Variants in CDT1 observed in about 807,000 individuals in gnomAD.
CDT1 encodes DNA replication factor Cdt1.
A neutral mutation model predicts 49.3 loss-of-function variants in CDT1; 66 were observed. That is an observed-to-expected ratio of 1.34 (90% CI 1.10 to 1.64). The LOEUF (loss-of-function observed/expected upper bound fraction) is 1.64. CDT1 is among the 40% of genes most tolerant of loss of function. CDT1 has a pLI of 0.00. For missense variants in CDT1, 958 were observed against 807.7 expected, an observed-to-expected ratio of 1.19 and a Z score of -2.26; for synonymous variants, 424 against 347.4, an observed-to-expected ratio of 1.22 and a Z score of -2.45.
In CDT1 at chr16:88,808,118, A is replaced by T; in HGVS notation, c.1481A>T (p.Glu494Val). 6.2e-7 allele frequency: 1 copy of T among 1,612,370 alleles called. No individual in the cohort carries two copies. The highest frequency in any genetic ancestry group is 8.5e-7 in the Non-Finnish European group (1 of 1,179,796). The change falls in exon 10 of 10, where the codon GAA (glutamate) becomes GTA (valine). Residue 494 changes from glutamate to valine, a missense_variant. Physicochemically the swap from Glu to Val is moderately radical, Grantham distance 121. Transcript: ENST00000301019. ...GSCCTIMSPG[E>V]MEKHLLLLSE... ...GTGTCCTCCTCTCCTCCCCCAGGGG[A>T]AATGGAGAAGCACCTGCTGCTCCTC... is the stretch of plus-strand genomic sequence containing the variant.
rs147067524 is a variant in CDT1, at chr16:88,807,071, A to G, written c.1143A>G (p.Gln381=). 88 of 1,612,888 alleles carry G rather than the reference A, an allele frequency of 5.5e-5. No individual in the cohort carries two copies. In the African/African-American group the frequency reaches 6.8e-4, roughly 12 times the overall value. Residue 381 remains glutamine, a synonymous_variant, in exon 8 of 10, where the codon CAA becomes CAG. Transcript: ENST00000301019. ...CGCAGATGGAGAAGGCCTTGAGTCA[A>G]TTGGCCCTGCGCTCTGCTGCGCCCA... is the stretch of plus-strand genomic sequence containing the variant. ...ISPRMEKALS[Q]LALRSAAPSS... is the part of the protein sequence containing the mutation.
intron 6 of CDT1, 149 bp downstream of exon 6, chr16:88,806,270 C>G (rs1223655515): frequency 1.0e-6 from 1 of 991,950 alleles, no homozygotes; most frequent in African/African-American, 1.6e-5. Flanking sequence ...CTGGTGTGCT[C>G]AGGGTGCAGC....
rs974743754 is a variant in CDT1 at position 88,806,250 on chromosome 16, G to C, written c.933+129G>C. On this transcript the variant is annotated intron_variant, in intron 6 of 9. Transcript: ENST00000301019. Reference sequence around the variant, plus strand: ...GATGGAACTGGGCTGGGTTCACCCTGAGCTGAGGGCTGGTGTGCTCAGGGT... The same window carrying C: ...GATGGAACTGGGCTGGGTTCACCCTCAGCTGAGGGCTGGTGTGCTCAGGGT... 6.8e-5 allele frequency: 72 copies of C among 1,063,784 alleles called. No homozygotes were observed. The South Asian group carries it at 7.8e-4, about 11-fold the overall frequency. 65.9% of individuals were successfully genotyped at this position (1,063,784 alleles called of 1,614,324 possible). A position where few individuals can be genotyped will look rare whatever the true frequency, so the allele number is the denominator to read the frequency against.
rs752796183 is a variant in CDT1 at position 88,805,885 on chromosome 16, G to A, written c.832+16G>A. ...CTGGAGCAGGGTGAGTGCTGGGTGC[G>A]GGACCTCGGTTTCCCCATCTGTGAG... On this transcript the variant is annotated intron_variant, in intron 5 of 9. Coordinates refer to ENST00000301019, the MANE Select transcript of CDT1 (RefSeq NM_030928.4). 1.2e-5 allele frequency: 19 copies of A among 1,611,842 alleles called. No homozygotes were observed. Among genetic ancestry groups the A allele is most frequent in the African/African-American group, 8.0e-5 (6 of 74,892 alleles).
chr16:88,805,761 G>T lies in CDT1; in HGVS notation c.724G>T (p.Val242Leu). 1 of 1,613,072 alleles carries T rather than the reference G, an allele frequency of 6.2e-7. No homozygotes were observed. Among genetic ancestry groups the T allele is most frequent in the Non-Finnish European group, 8.5e-7 (1 of 1,179,968 alleles). The part of the protein sequence containing the change: ...EECNVGQIKT[V>L]YPASYRFRQE... Reference sequence around the variant, plus strand: ...GTGCAATGTTGGCCAGATCAAAACCGTGTACCCGGCCTCCTACCGCTTCCG... The same window carrying T: ...GTGCAATGTTGGCCAGATCAAAACCTTGTACCCGGCCTCCTACCGCTTCCG... The change falls in exon 5 of 10, where the codon GTG becomes TTG. Residue 242 changes from valine (V) to leucine (L), a missense_variant. Val to Leu is a conservative substitution (Grantham distance 32, BLOSUM62 1). Coordinates refer to ENST00000301019, the MANE Select transcript of CDT1 (RefSeq NM_030928.4).
In CDT1 at chr16:88,805,832, A is replaced by C. The variant is rs1482527466; in HGVS notation, c.795A>C (p.Ser265=). The stretch of plus-strand genomic sequence containing the variant: ...CCTTCAAGGATGGCACCAGGAGGTC[A>C]GATTACCAGCTCACCATCGAGCCAC... ...VPTFKDGTRR[S]DYQLTIEPLL... The change falls in exon 5 of 10, where the codon TCA becomes TCC. Residue 265 remains serine, a synonymous_variant. Coordinates refer to ENST00000301019, the MANE Select transcript of CDT1 (RefSeq NM_030928.4). 1 of 1,613,100 alleles carries C rather than the reference A, an allele frequency of 6.2e-7. No individual in the cohort carries two copies. The highest frequency in any genetic ancestry group is 1.1e-5 in the South Asian group (1 of 91,068).
In CDT1 at chr16:88,808,235, C is replaced by T; in HGVS notation, c.1598C>T (p.Thr533Ile). ...LDKAADLAHI[T>I]ARLAHQTRAE... ...AAGGCCGCGGACCTCGCCCACATCA[C>T]TGCACGCCTGGCCCACCAGACACGT... Residue 533 changes from threonine to isoleucine, a missense_variant, in exon 10 of 10, where the codon ACT becomes ATT. Thr to Ile is a moderately conservative substitution (Grantham distance 89). Coordinates refer to ENST00000301019, the MANE Select transcript of CDT1 (RefSeq NM_030928.4). The T allele has an allele frequency of 2.5e-6, 4 of 1,605,518 alleles. No individual in the cohort carries two copies. Among genetic ancestry groups the T allele is most frequent in the Non-Finnish European group, 3.4e-6 (4 of 1,176,662 alleles).
intron 7 of CDT1, 76 bp from the exon 8 acceptor site, chr16:88,806,975 C>T: frequency 6.3e-7 from 1 of 1,574,842 alleles, no homozygotes; most frequent in Non-Finnish European, 8.7e-7. Flanking sequence ...TTGAGAGATA[C>T]CGGGGACTCC....
At chr16:88,804,513 C>A in intron 1 of CDT1, 32 bp from the exon 2 acceptor site, 1 of 1,606,762 alleles carries the variant, frequency 6.2e-7, no homozygotes, top group Non-Finnish European at 8.5e-7. Flanking sequence ...CAGGTCTTGT[C>A]ATGAGTTCAC....
At chr16:88,807,638 C>T (rs555162452) in intron 9 of CDT1, among the ~76,000 whole-genome samples, 156 bp downstream of exon 9, 16 of 152,340 alleles carry the variant, frequency 1.1e-4, no homozygotes, top group African/African-American at 3.8e-4. Context: ...CCTGGGCGCT[C>T]TGCCCTCCTT....
At chr16:88,806,948 C>G in intron 7 of CDT1, 103 bp from the exon 8 acceptor site, 1 of 1,473,784 alleles carries the variant, frequency 6.8e-7, no homozygotes, top group South Asian at 1.1e-5. Flanking sequence ...ACCCAGTGTG[C>G]TGGGTGAACT....
intron 9 of CDT1, 123 bp downstream of exon 9, chr16:88,807,605 G>A (rs948839203): frequency 2.3e-5 from 23 of 999,626 alleles, no homozygotes; most frequent in East Asian, 1.0e-4. Flanking sequence ...TGCAGTGGGC[G>A]CTGGCCTCTT....
At chr16:88,806,256 A>T in intron 6 of CDT1, 135 bp downstream of exon 6, 1 of 1,033,756 alleles carries the variant, frequency 9.7e-7, no homozygotes, top group Admixed American at 2.0e-5. Flanking sequence ...CCCTGAGCTG[A>T]GGGCTGGTGT....
At chr16:88,804,090 A>G (rs2142941094) in intron 1 of CDT1, 31 bp downstream of exon 1, 3 of 1,266,958 alleles carry the variant, frequency 2.4e-6, no homozygotes, top group South Asian at 1.8e-5. Context: ...GAGGCCGGGG[A>G]GTTGGGGGCG....
At chr16:88,806,993 A>C in intron 7 of CDT1, 58 bp from the exon 8 acceptor site, 3 of 1,608,700 alleles carry the variant, frequency 1.9e-6, no homozygotes, top group Non-Finnish European at 2.6e-6. Context: ...TCCTGGGCAG[A>C]CAGCCAGGGG....
intron 9 of CDT1, 107 bp from the exon 10 acceptor site, chr16:88,808,008 G>C: frequency 1.5e-6 from 2 of 1,294,426 alleles, no homozygotes; most frequent in Non-Finnish European, 2.2e-6. Context: ...GGGGCCCTGA[G>C]GGCGACCAGG....
At chr16:88,808,024 A>T (rs1908933012) in intron 9 of CDT1, 91 bp from the exon 10 acceptor site, 2 of 1,428,470 alleles carry the variant, frequency 1.4e-6, no homozygotes, top group South Asian at 2.4e-5. Flanking sequence ...CCAGGCAGGC[A>T]CAGAGGTTGG....
chr16:88,804,915 C>T lies in CDT1; in HGVS notation c.488+17C>T, dbSNP rs769491654. On this transcript the variant is annotated intron_variant, in intron 3 of 9. Coordinates refer to ENST00000301019, the MANE Select transcript of CDT1 (RefSeq NM_030928.4). Reference sequence around the variant, plus strand: ...GGAGCCATGGTGAGTGCTGGGTGGGCGGCCACGAGGCCCCGGCAAAGGCCG... The same window carrying T: ...GGAGCCATGGTGAGTGCTGGGTGGGTGGCCACGAGGCCCCGGCAAAGGCCG... 6.5e-5 allele frequency: 101 copies of T among 1,542,306 alleles called. No homozygotes were observed. Among genetic ancestry groups the T allele is most frequent in the Non-Finnish European group, 8.2e-5 (94 of 1,149,278 alleles).
intron 3 of CDT1, 83 bp from the exon 4 acceptor site, chr16:88,805,357 G>A: frequency 1.3e-6 from 2 of 1,513,988 alleles, no homozygotes; most frequent in Non-Finnish European, 1.8e-6. Context: ...CCCATCGGAG[G>A]GTCTCCCTGG....
Sources: allele counts gnomAD v4.1 joint callset (sites outside exome capture counted in the v4.1 genomes callset), GRCh38; gene constraint gnomAD v4.1.1; transcripts MANE v1.5; gene names NCBI Gene and HGNC (gene_info 2026-07-23, HGNC 2026-07-21).